SLC39A10: variants seen among roughly 807,000 people sequenced by gnomAD.
The protein encoded by SLC39A10 is solute carrier family 39 member 10.
A neutral mutation model predicts 65.1 loss-of-function variants in SLC39A10; 13 were observed. The ratio of observed to expected loss-of-function variants is 0.20; its 90% CI spans 0.13 to 0.32. The LOEUF (loss-of-function observed/expected upper bound fraction) is 0.32. Among genes scored for constraint, SLC39A10 ranks in the 10% least tolerant of loss-of-function variants. The pLI, the probability that SLC39A10 is intolerant of heterozygous loss-of-function variation, is 1.00. For missense variants in SLC39A10, 831 were observed against 1,018.4 expected, an observed-to-expected ratio of 0.82 and a Z score of 2.50; for synonymous variants, 321 against 342.2, an observed-to-expected ratio of 0.94 and a Z score of 0.68.
intron 1 of SLC39A10, among the ~76,000 whole-genome samples, chr2:195,660,688 A>G (rs1559020217): frequency 6.6e-6 from 1 of 152,186 alleles, no homozygotes; most frequent in Non-Finnish European, 1.5e-5. Flanking sequence ...TTTTGGGTAG[A>G]GATAGAACAA....
At chr2:195,625,926 A>C (rs780088522) in intron 2 of SLC39A10, among the ~76,000 whole-genome samples, 67 of 152,282 alleles carry the variant, frequency 4.4e-4, no homozygotes, top group Non-Finnish European at 8.2e-4. Context: ...CTGGGACTAC[A>C]GTTGCCTGCG....
Position 195,718,279 on chromosome 2 carries a change from G to C in SLC39A10, c.2093G>C (p.Gly698Ala), listed in dbSNP as rs1691894504. ...GCAGCTTTCAGTGCTGGATTGACAGGAGGAATCAGTACTTCTATAGCCGTC... is the reference window on the plus strand; with the variant it reads ...GCAGCTTTCAGTGCTGGATTGACAGCAGGAATCAGTACTTCTATAGCCGTC... ...IGAAFSAGLT[G>A]GISTSIAVFC... Residue 698 changes from glycine (G) to alanine (A), a missense_variant, in exon 8 of 10, where the codon GGA (glycine) becomes GCA (alanine). By Grantham distance (60) the Gly-to-Ala change is moderately conservative. Coordinates refer to ENST00000359634, the MANE Select transcript of SLC39A10 (RefSeq NM_020342.3). The C allele has an allele frequency of 6.2e-7, 1 of 1,607,394 alleles. No homozygotes were observed. Among genetic ancestry groups the C allele is most frequent in the African/African-American group, 1.3e-5 (1 of 74,840 alleles).
intron 5 of SLC39A10, among the ~76,000 whole-genome samples, chr2:195,711,535 T>G (rs1382784689): frequency 6.6e-6 from 1 of 152,224 alleles, no homozygotes; most frequent in Non-Finnish European, 1.5e-5. Context: ...GGGCATCTGC[T>G]TTATGGTAAA....
At chr2:195,709,242 T>C (rs1305626965) in intron 5 of SLC39A10, among the ~76,000 whole-genome samples, 2 of 151,360 alleles carry the variant, frequency 1.3e-5, no homozygotes, top group African/African-American at 2.4e-5. Flanking sequence ...TATGTATGTA[T>C]GTATTTTGAG....
chr2:195,618,951 G>A (rs1450209832), intron 2 of SLC39A10, among the ~76,000 whole-genome samples: 1 of 152,030 alleles, frequency 6.6e-6, no homozygotes, highest in Non-Finnish European at 1.5e-5. Flanking sequence ...AAATTAGCCT[G>A]GCATGATGGC....
At chr2:195,632,912 T>C (rs1350725138) in intron 2 of SLC39A10, among the ~76,000 whole-genome samples, 1 of 152,198 alleles carries the variant, frequency 6.6e-6, no homozygotes, top group Non-Finnish European at 1.5e-5. Context: ...TGAAAGTTGA[T>C]TGATAGAGAT....
At chr2:195,624,387 C>A (rs78671437) in intron 2 of SLC39A10, among the ~76,000 whole-genome samples, 2,982 of 50,916 alleles carry the variant, frequency 0.059, 116 homozygotes, top group African/African-American at 0.2. Context: ...AACTCCGTCT[C>A]AAATAAGGAA....
At chr2:195,655,274 T>C (rs928493890), upstream of SLC39A10, among the ~76,000 whole-genome samples, 2 of 152,266 alleles carry the variant, frequency 1.3e-5, no homozygotes, top group Non-Finnish European at 1.5e-5. Context: ...CCAACTTGCA[T>C]TGAAGTATTT....
At chr2:195,621,746 A>T (rs558633186) in intron 2 of SLC39A10, among the ~76,000 whole-genome samples, 88 of 152,350 alleles carry the variant, frequency 5.8e-4, no homozygotes, top group African/African-American at 2.1e-3. Context: ...TGTAATAATT[A>T]TAGTATGAAG....
intron 2 of SLC39A10, among the ~76,000 whole-genome samples, chr2:195,615,983 G>C (rs1389436077): frequency 6.6e-6 from 1 of 152,148 alleles, no homozygotes; most frequent in Non-Finnish European, 1.5e-5. Context: ...TTTCCTAGCA[G>C]TTTCCCGGTT....
chr2:195,664,832 C>G (rs945359055), intron 1 of SLC39A10, among the ~76,000 whole-genome samples: 6 of 152,204 alleles, frequency 3.9e-5, no homozygotes, highest in East Asian at 1.9e-4. Context: ...TCATTCGAAG[C>G]AAGTAATCAA....
rs767375861 is a variant in SLC39A10 at position 195,734,914 on chromosome 2, A to G, written c.2369A>G (p.Asn790Ser). The G allele has an allele frequency of 5.0e-6, 8 of 1,609,752 alleles. No individual in the cohort carries two copies. The highest frequency in any genetic ancestry group is 2.7e-5 in the African/African-American group (2 of 74,558). ...LPEMLHGDGD[N>S]EEHGFCPVGQ... Reference sequence around the variant, plus strand: ...GAAATGTTGCATGGTGATGGTGACAATGAAGAACATGGCTTTTGTCCTGTG... The same window carrying G: ...GAAATGTTGCATGGTGATGGTGACAGTGAAGAACATGGCTTTTGTCCTGTG... Residue 790 changes from asparagine (N) to serine (S), a missense_variant, in exon 10 of 10, where the codon AAT (asparagine) becomes AGT (serine). Coordinates refer to ENST00000359634, the MANE Select transcript of SLC39A10 (RefSeq NM_020342.3).
At chr2:195,676,605 A>C (rs898027737) in intron 1 of SLC39A10, among the ~76,000 whole-genome samples, 1 of 152,202 alleles carries the variant, frequency 6.6e-6, no homozygotes, top group African/African-American at 2.4e-5. Context: ...ACATTTTCAC[A>C]GTCAATATTA....
In SLC39A10 at chr2:195,680,243, T is replaced by G; in HGVS notation, c.201T>G (p.Leu67=). Residue 67 remains leucine, a synonymous_variant, in exon 2 of 10, where the codon CTT becomes CTG. Coordinates refer to ENST00000359634, the MANE Select transcript of SLC39A10 (RefSeq NM_020342.3). The part of the protein sequence containing the change: ...ENEKKYYIEK[L]FERYGENGRL... ...AAAAAAAATACTATATTGAAAAACTTTTTGAGCGTTATGGTGAAAATGGAA... is the reference window on the plus strand; with the variant it reads ...AAAAAAAATACTATATTGAAAAACTGTTTGAGCGTTATGGTGAAAATGGAA... 6.2e-7 allele frequency: 1 copy of G among 1,613,624 alleles called. No individual in the cohort carries two copies.
chr2:195,628,087 A>G (rs866126442), intron 2 of SLC39A10, among the ~76,000 whole-genome samples: 1 of 152,264 alleles, frequency 6.6e-6, no homozygotes, highest in South Asian at 2.1e-4. Flanking sequence ...TAATTAAAGC[A>G]TACATTGAAA....
Position 195,708,851 on chromosome 2 carries a change from ATTTT to A in SLC39A10, c.1575+10_1575+13del, listed in dbSNP as rs749652495. On this transcript the variant is annotated splice_region_variant and intron_variant, in intron 5 of 9. Coordinates refer to ENST00000359634, the MANE Select transcript of SLC39A10 (RefSeq NM_020342.3). ...GCACTACAAACAACAAAGAGTAAGT[ATTTT>A]TTATTTATTTAATTTTATACCATAA... 2 of 1,569,898 alleles carry A rather than the reference ATTTT, an allele frequency of 1.3e-6. No homozygotes were observed. Among genetic ancestry groups the A allele is most frequent in the Non-Finnish European group, 1.7e-6 (2 of 1,159,336 alleles).
chr2:195,717,078 C>T (rs1441275158), intron 7 of SLC39A10, 73 bp downstream of exon 7: 48 of 1,529,390 alleles, frequency 3.1e-5, no homozygotes, highest in Non-Finnish European at 4.2e-5. Context: ...TTGGCTGGAG[C>T]TTAACAAATA....
chr2:195,724,345 AG>A (rs1335728791), intron 8 of SLC39A10, among the ~76,000 whole-genome samples: 1 of 152,190 alleles, frequency 6.6e-6, no homozygotes, highest in Non-Finnish European at 1.5e-5. Context: ...CCCTGCTGTG[AG>A]GATTCCTTTG....
intron 2 of SLC39A10, among the ~76,000 whole-genome samples, chr2:195,624,696 G>A (rs1244053644): frequency 5.3e-5 from 8 of 150,998 alleles, no homozygotes; most frequent in Admixed American, 3.3e-4. Context: ...CCAACATGGC[G>A]AAACCCCACC....
Sources: gnomAD v4.1 joint callset for allele counts (sites outside exome capture counted in the v4.1 genomes callset) on GRCh38, gnomAD v4.1.1 for gene constraint, MANE v1.5 for transcripts, NCBI Gene and HGNC (gene_info 2026-07-23, HGNC 2026-07-21) for gene names.